Variants in THSD7B observed in about 807,000 individuals in gnomAD.
The protein encoded by THSD7B is thrombospondin type-1 domain-containing protein 7B.
In THSD7B, 138 loss-of-function variants were observed where a neutral mutation model predicts 213.6. The ratio of observed to expected loss-of-function variants is 0.65; its 90% CI spans 0.56 to 0.74. The LOEUF is 0.74. Ranked by LOEUF, THSD7B falls within the 30% of genes least tolerant of loss-of-function variation. The pLI, the probability that THSD7B is intolerant of heterozygous loss-of-function variation, is 0.00. For synonymous variants in THSD7B, 742 were observed against 687.0 expected (o/e 1.08, Z -1.25); for missense variants, 1,931 against 1,991.5 (o/e 0.97, Z 0.58).
At chr2:137,005,919 T>C (rs764753264) in intron 2 of THSD7B, among the ~76,000 whole-genome samples, 1 of 152,236 alleles carries the variant, frequency 6.6e-6, no homozygotes, top group Non-Finnish European at 1.5e-5. Context: ...TATACGTATG[T>C]GTCTGTGTAT....
chr2:137,087,718 A>G (rs986272360), intron 3 of THSD7B, among the ~76,000 whole-genome samples: 1 of 152,244 alleles, frequency 6.6e-6, no homozygotes, highest in Non-Finnish European at 1.5e-5. Flanking sequence ...GAAAATGACC[A>G]TACTGCCAAA....
chr2:137,607,279 C>G (rs767874509), intron 17 of THSD7B, among the ~76,000 whole-genome samples: 2 of 151,854 alleles, frequency 1.3e-5, no homozygotes, highest in Non-Finnish European at 2.9e-5. Context: ...ACCTCTATGT[C>G]TAGGTCTTTT....
chr2:136,858,367 A>T (rs1478027981), intron 1 of THSD7B, among the ~76,000 whole-genome samples: 2 of 145,410 alleles, frequency 1.4e-5, no homozygotes, highest in African/African-American at 5.0e-5. Flanking sequence ...ACATGCTGAC[A>T]TGTGGTTTAT....
intron 12 of THSD7B, among the ~76,000 whole-genome samples, chr2:137,378,546 CTTG>C (rs1265307858): frequency 6.6e-6 from 1 of 152,180 alleles, no homozygotes; most frequent in Non-Finnish European, 1.5e-5. Context: ...TTCAAGACCA[CTTG>C]TTGTCATGTA....
At chr2:137,546,455 T>A (rs60063424) in intron 15 of THSD7B, among the ~76,000 whole-genome samples, 833 of 19,680 alleles carry the variant, frequency 0.042, 163 homozygotes, top group South Asian at 0.13. Flanking sequence ...TATATATATA[T>A]TATATATAAT....
chr2:136,785,743 GAA>G (rs1466289581), intron 1 of THSD7B, among the ~76,000 whole-genome samples: 1 of 152,222 alleles, frequency 6.6e-6, no homozygotes, highest in Non-Finnish European at 1.5e-5. Flanking sequence ...CCCCAGTTCA[GAA>G]ATTCAGTAAA....
chr2:136,894,483 C>A (rs1181209449), intron 2 of THSD7B, among the ~76,000 whole-genome samples: 2 of 152,124 alleles, frequency 1.3e-5, no homozygotes, highest in African/African-American at 4.8e-5. Flanking sequence ...TATGCCTCTA[C>A]CTTCTCATCC....
chr2:136,846,135 T>C lies in THSD7B; in HGVS notation c.-35-36009T>C, dbSNP rs542659795. ...CCCAGGGGTTGAATCAAGGGTGGGG[T>C]GTGGAGTCTTCCAGATAAAATGAGG... On this transcript the variant is annotated intron_variant, in intron 1 of 27. Coordinates refer to ENST00000409968, the MANE Select transcript of THSD7B (RefSeq NM_001316349.2). Among the ~76,000 whole-genome samples the C allele has an allele frequency of 1.3e-4, 20 of 152,234 alleles. No homozygotes were observed. The South Asian group carries it at 4.2e-3, about 32-fold the overall frequency.
chr2:137,189,868 A>G (rs139002285), intron 7 of THSD7B, among the ~76,000 whole-genome samples: 51 of 152,074 alleles, frequency 3.4e-4, no homozygotes, highest in African/African-American at 6.3e-4. Flanking sequence ...TCCTTCTTAT[A>G]TATGCTCCTC....
chr2:136,958,572 G>A (rs1230911039), intron 2 of THSD7B, among the ~76,000 whole-genome samples: 1 of 152,194 alleles, frequency 6.6e-6, no homozygotes, highest in Admixed American at 6.5e-5. Context: ...AGAGTTCAGA[G>A]GAAAGGGAGA....
At chr2:137,122,468 G>A (rs1277651796) in intron 5 of THSD7B, among the ~76,000 whole-genome samples, 1 of 152,110 alleles carries the variant, frequency 6.6e-6, no homozygotes, top group Non-Finnish European at 1.5e-5. Context: ...GAGGAAGCAG[G>A]CCATGTGTAA....
chr2:136,908,750 T>G (rs1684210680), intron 2 of THSD7B, among the ~76,000 whole-genome samples: 2 of 152,190 alleles, frequency 1.3e-5, no homozygotes, highest in South Asian at 4.1e-4. Flanking sequence ...GCTGAGTGAA[T>G]TCCAGTTTTC....
chr2:136,901,816 C>G (rs1019070543), intron 2 of THSD7B, among the ~76,000 whole-genome samples: 9 of 152,204 alleles, frequency 5.9e-5, no homozygotes, highest in African/African-American at 2.2e-4. Flanking sequence ...GCATTAAAGC[C>G]AGCGATGCAT....
At chr2:137,150,692 G>A (rs995285740) in intron 5 of THSD7B, among the ~76,000 whole-genome samples, 1 of 152,090 alleles carries the variant, frequency 6.6e-6, no homozygotes, top group Admixed American at 6.6e-5. Context: ...ACTAATACAG[G>A]GCTTAATGAG....
intron 2 of THSD7B, among the ~76,000 whole-genome samples, chr2:136,938,495 C>A (rs76002676): frequency 0.03 from 4,598 of 152,102 alleles, 107 homozygotes; most frequent in South Asian, 0.074. Context: ...ATATAACATT[C>A]TTATTTATTT....
chr2:137,359,003 GAAAAT>G (rs1685196741), intron 12 of THSD7B, among the ~76,000 whole-genome samples: 1 of 152,136 alleles, frequency 6.6e-6, no homozygotes, highest in African/African-American at 2.4e-5. Flanking sequence ...TTCCTCAACT[GAAAAT>G]AAAATAAATT....
At chr2:137,551,206 G>T (rs1680841421) in intron 15 of THSD7B, among the ~76,000 whole-genome samples, 1 of 151,894 alleles carries the variant, frequency 6.6e-6, no homozygotes, top group Non-Finnish European at 1.5e-5. Context: ...TGTTTTTAGG[G>T]CATAGCCTTT....
chr2:137,117,056 T>G (rs1688458412), intron 5 of THSD7B, among the ~76,000 whole-genome samples: 1 of 152,210 alleles, frequency 6.6e-6, no homozygotes, highest in Non-Finnish European at 1.5e-5. Flanking sequence ...TGTATACTCC[T>G]GTACAGAGCT....
intron 7 of THSD7B, among the ~76,000 whole-genome samples, chr2:137,196,382 T>G (rs971049080): frequency 1.6e-4 from 4 of 25,274 alleles, no homozygotes; most frequent in African/African-American, 3.9e-4. Context: ...TGCTGTTTTT[T>G]TTTTTTTTTT....
Sources: gnomAD v4.1 joint callset for allele counts (sites outside exome capture counted in the v4.1 genomes callset) on GRCh38, gnomAD v4.1.1 for gene constraint, MANE v1.5 for transcripts, NCBI Gene and HGNC (gene_info 2026-07-23, HGNC 2026-07-21) for gene names.